The following ST8SIA6 variants were observed in gnomAD, a reference collection of about 807,000 sequenced individuals.
The protein encoded by ST8SIA6 is ST8 alpha-N-acetyl-neuraminide alpha-2,8-sialyltransferase 6, also known as alpha-2,8-sialyltransferase 8F.
Under a neutral mutation model 33.6 loss-of-function variants are expected in ST8SIA6, and 39 were observed. That is an observed-to-expected ratio of 1.16 (90% CI 0.90 to 1.52). ST8SIA6 has a LOEUF of 1.52. ST8SIA6 is among the 40% of genes most tolerant of loss of function. ST8SIA6 has a pLI of 0.00. For synonymous variants in ST8SIA6, 172 were observed against 167.2 expected (o/e 1.03, Z -0.22); for missense variants, 441 against 443.8 (o/e 0.99, Z 0.06).
At chr10:17,379,281 G>C (rs979582416) in intron 3 of ST8SIA6, among the ~76,000 whole-genome samples, 1 of 151,902 alleles carries the variant, frequency 6.6e-6, no homozygotes, top group Non-Finnish European at 1.5e-5. Context: ...GAGGCAGAGA[G>C]AGGGAAAGCT....
chr10:17,368,855 T>C (rs1275048133), intron 3 of ST8SIA6, among the ~76,000 whole-genome samples: 1 of 152,130 alleles, frequency 6.6e-6, no homozygotes, highest in East Asian at 1.9e-4. Flanking sequence ...GAGTCACTCA[T>C]GAATCCAGTC....
At position 17,374,748 on chromosome 10, in the gene ST8SIA6, A is replaced by AAAATATATATATATATATATATAT. The variant is rs1344895365; in HGVS notation, c.291-15149_291-15148insATATATATATATATATATATATTT. ...TAAATAAATAAATAAATAAATAAATAATAAATATATATATATATATTTAGC... is the reference window on the plus strand; with the variant it reads ...TAAATAAATAAATAAATAAATAAATAAAATATATATATATATATATATATATAAATATATATATATATATTTAGC... On this transcript the variant is annotated intron_variant, in intron 3 of 7. Coordinates refer to ENST00000377602, the MANE Select transcript of ST8SIA6 (RefSeq NM_001004470.3). Among the ~76,000 whole-genome samples, 54 of 67,602 alleles carry AAAATATATATATATATATATATAT rather than the reference A, an allele frequency of 8.0e-4. 1 individual carries two copies. Among genetic ancestry groups the AAAATATATATATATATATATATAT allele is most frequent in the South Asian group, 1.2e-3 (2 of 1,668 alleles). 44.3% of individuals were successfully genotyped at this position (67,602 alleles called of 152,430 possible). A position where few individuals can be genotyped will look rare whatever the true frequency, so the allele number is the denominator to read the frequency against.
At chr10:17,435,825 G>A (rs1392640805) in intron 2 of ST8SIA6, among the ~76,000 whole-genome samples, 1 of 151,984 alleles carries the variant, frequency 6.6e-6, no homozygotes, top group Non-Finnish European at 1.5e-5. Flanking sequence ...ATTCCCTAAC[G>A]AGACTTCTTA....
chr10:17,408,547 C>G (rs772725111), intron 2 of ST8SIA6, among the ~76,000 whole-genome samples: 1 of 151,742 alleles, frequency 6.6e-6, no homozygotes, highest in Non-Finnish European at 1.5e-5. Flanking sequence ...GTAATCTCAG[C>G]TACTTGGGAG....
At chr10:17,387,449 G>GTGGGGC (rs1850417405) in intron 3 of ST8SIA6, among the ~76,000 whole-genome samples, 141 of 25,332 alleles carry the variant, frequency 5.6e-3, no homozygotes, top group Non-Finnish European at 0.012. Context: ...CGGTGGGGCG[G>GTGGGGC]GGGGGGGGGG....
At chr10:17,334,322 G>A (rs1364638232) in intron 4 of ST8SIA6, among the ~76,000 whole-genome samples, 3 of 151,374 alleles carry the variant, frequency 2.0e-5, no homozygotes, top group Non-Finnish European at 3.0e-5. Context: ...GGCGGATCAC[G>A]AGGTCAGGAG....
intron 2 of ST8SIA6, among the ~76,000 whole-genome samples, chr10:17,441,031 A>G (rs528267985): frequency 4.6e-5 from 7 of 152,290 alleles, no homozygotes; most frequent in Non-Finnish European, 1.0e-4. Context: ...TGATATACAA[A>G]TATCTTCTCT....
At chr10:17,401,168 C>G (rs1196437726) in intron 2 of ST8SIA6, among the ~76,000 whole-genome samples, 1 of 152,244 alleles carries the variant, frequency 6.6e-6, no homozygotes, top group South Asian at 2.1e-4. Flanking sequence ...CATGAGTGAA[C>G]TCCCATTCAC....
At position 17,316,869 on chromosome 10, in the gene ST8SIA6, G is replaced by A. The variant is rs188417361; in HGVS notation, c.*4009C>T. 2.4e-4 allele frequency among the ~76,000 whole-genome samples: 37 copies of A among 152,030 alleles called. No individual in the cohort carries two copies. The highest frequency in any genetic ancestry group is 5.0e-4 in the Non-Finnish European group (34 of 67,964). On this transcript the variant is annotated 3_prime_UTR_variant, in exon 8 of 8. Coordinates refer to ENST00000377602, the MANE Select transcript of ST8SIA6 (RefSeq NM_001004470.3). ...TCTCTATTAATGTCATTAATTTTAT[G>A]CATTACTAAAAGCTATTTCAGTCTG...
intron 3 of ST8SIA6, among the ~76,000 whole-genome samples, chr10:17,366,230 TAG>T (rs1554791354): frequency 6.6e-6 from 1 of 152,174 alleles, no homozygotes; most frequent in Non-Finnish European, 1.5e-5. Flanking sequence ...AACTTCTAAT[TAG>T]AGTGTCATGG....
chr10:17,322,104 G>C (rs1219746207), intron 7 of ST8SIA6, among the ~76,000 whole-genome samples: 1 of 150,308 alleles, frequency 6.7e-6, no homozygotes, highest in African/African-American at 2.5e-5. Flanking sequence ...CAGAGAGAGA[G>C]AGAGAGAGAG....
At chr10:17,394,246 C>T (rs927062359) in intron 2 of ST8SIA6, among the ~76,000 whole-genome samples, 5 of 151,164 alleles carry the variant, frequency 3.3e-5, no homozygotes, top group East Asian at 3.9e-4. Flanking sequence ...GTGAAGGTGA[C>T]GGAATGAAGT....
rs544168308 is a variant in ST8SIA6 at position 17,319,501 on chromosome 10, T to C, written c.*1377A>G. Among the ~76,000 whole-genome samples the C allele has an allele frequency of 6.6e-6, 1 of 152,262 alleles. No homozygotes were observed. Among genetic ancestry groups the C allele is most frequent in the Non-Finnish European group, 1.5e-5 (1 of 68,006 alleles). ...TAACTTGGAAATGTCTACAATTTTC[T>C]CCACAAAAGAAAACCCGCAAACATT... On this transcript the variant is annotated 3_prime_UTR_variant, in exon 8 of 8. Coordinates refer to ENST00000377602, the MANE Select transcript of ST8SIA6 (RefSeq NM_001004470.3).
rs534106352 is a variant in ST8SIA6 at position 17,319,811 on chromosome 10, T to C, written c.*1067A>G. 6.6e-6 allele frequency: 1 copy of C among 152,326 alleles called. No individual in the cohort carries two copies. Among genetic ancestry groups the C allele is most frequent in the East Asian group, 1.9e-4 (1 of 5,186 alleles). 9.4% of individuals were successfully genotyped at this position (152,326 alleles called of 1,614,324 possible). A position where few individuals can be genotyped will look rare whatever the true frequency, so the allele number is the denominator to read the frequency against. On this transcript the variant is annotated 3_prime_UTR_variant, in exon 8 of 8. Transcript: ENST00000377602. ...ACTAATCAATTACATATTTCTAATA[T>C]CATCAATGGTTTCAGGCATCCACAG...
rs1404063041 is a variant in ST8SIA6, at chr10:17,318,328, T to G, written c.*2550A>C. 4.5e-6 allele frequency: 1 copy of G among 224,038 alleles called. No individual in the cohort carries two copies. The highest frequency in any genetic ancestry group is 8.9e-6 in the Non-Finnish European group (1 of 112,708). The allele number at this position is 224,038 out of a possible 1,614,324, so 13.9% of individuals were successfully genotyped here. ...CCTCCTGGGCTCCAGTGAACCTCCC[T>G]CCTTAGCCTCCCAAGTAGCTGGGAC... On this transcript the variant is annotated 3_prime_UTR_variant, in exon 8 of 8. Transcript: ENST00000377602.
At chr10:17,399,290 A>G (rs1351704928) in intron 2 of ST8SIA6, 2 of 152,340 alleles carry the variant, frequency 1.3e-5, no homozygotes, top group Admixed American at 6.5e-5. Flanking sequence ...ACAAGTAAAC[A>G]CACAATTACC....
At chr10:17,399,623 C>A (rs1265575080) in intron 2 of ST8SIA6, among the ~76,000 whole-genome samples, 2 of 152,034 alleles carry the variant, frequency 1.3e-5, no homozygotes, top group African/African-American at 4.8e-5. Flanking sequence ...TAGTTTTCAA[C>A]AATGTAAAAT....
chr10:17,444,099 T>G (rs1272526178), intron 2 of ST8SIA6, among the ~76,000 whole-genome samples: 1 of 152,170 alleles, frequency 6.6e-6, no homozygotes, highest in Non-Finnish European at 1.5e-5. Flanking sequence ...TAACCACCCC[T>G]CCAAAGATAT....
intron 2 of ST8SIA6, among the ~76,000 whole-genome samples, chr10:17,437,671 C>CTG (rs1852325360): frequency 8.6e-6 from 1 of 116,530 alleles, no homozygotes; most frequent in African/African-American, 3.4e-5. Context: ...CCTTCTGTCT[C>CTG]TCTTTCTCTT....
Sources: allele counts gnomAD v4.1 joint callset (sites outside exome capture counted in the v4.1 genomes callset), GRCh38; gene constraint gnomAD v4.1.1; transcripts MANE v1.5; gene names NCBI Gene and HGNC (gene_info 2026-07-23, HGNC 2026-07-21).